CWC27: variants seen among roughly 807,000 people sequenced by gnomAD.
CWC27 encodes CWC27 spliceosome associated cyclophilin.
A neutral mutation model predicts 63.6 loss-of-function variants in CWC27; 47 were observed. That is an observed-to-expected ratio of 0.74 (90% CI 0.58 to 0.94). The LOEUF is 0.94. CWC27 is among the 40% of genes least tolerant of loss of function. The pLI, the probability that CWC27 is intolerant of heterozygous loss-of-function variation, is 0.00. For missense variants in CWC27, 495 were observed against 554.3 expected (o/e 0.89, Z 1.07); for synonymous variants, 175 against 179.8 (o/e 0.97, Z 0.22).
At chr5:64,961,506 T>C (rs1377814478) in intron 11 of CWC27, among the ~76,000 whole-genome samples, 1 of 152,206 alleles carries the variant, frequency 6.6e-6, no homozygotes, top group Non-Finnish European at 1.5e-5. Flanking sequence ...GTCCCCAAGA[T>C]GCTTGTATTA....
At chr5:64,842,977 T>C (rs1363384763) in intron 10 of CWC27, among the ~76,000 whole-genome samples, 1 of 152,240 alleles carries the variant, frequency 6.6e-6, no homozygotes, top group African/African-American at 2.4e-5. Context: ...TCCTTTGTAA[T>C]GTTTCACCTT....
chr5:64,778,287 CT>C (rs1743530913), intron 2 of CWC27, among the ~76,000 whole-genome samples: 1 of 152,058 alleles, frequency 6.6e-6, no homozygotes. Flanking sequence ...GTCGCATGCA[CT>C]TGCGCTGTCT....
At chr5:64,837,665 C>T (rs1240003870) in intron 10 of CWC27, among the ~76,000 whole-genome samples, 2 of 151,710 alleles carry the variant, frequency 1.3e-5, no homozygotes, top group Admixed American at 6.6e-5. Context: ...CATTTTACCA[C>T]TGTATTTTCC....
chr5:64,992,110 A>G (rs1309937932), intron 13 of CWC27, among the ~76,000 whole-genome samples: 1 of 152,214 alleles, frequency 6.6e-6, no homozygotes, highest in Non-Finnish European at 1.5e-5. Flanking sequence ...TGTATGTGCT[A>G]TATTTCAGAC....
intron 10 of CWC27, among the ~76,000 whole-genome samples, chr5:64,870,563 A>G (rs1318475590): frequency 1.3e-5 from 2 of 152,052 alleles, no homozygotes; most frequent in African/African-American, 2.4e-5. Context: ...TAACTTTACA[A>G]TGATGATTTC....
chr5:64,908,190 T>C (rs7715194), intron 11 of CWC27, among the ~76,000 whole-genome samples: 11,514 of 152,174 alleles, frequency 0.076, 1,313 homozygotes, highest in African/African-American at 0.25. Flanking sequence ...TGTAGTTGTG[T>C]GGTTTTGAGT....
At chr5:64,928,189 T>G (rs963228776) in intron 11 of CWC27, among the ~76,000 whole-genome samples, 2 of 152,022 alleles carry the variant, frequency 1.3e-5, no homozygotes, top group African/African-American at 4.8e-5. Flanking sequence ...TCACCCACAT[T>G]CACTGTGTTT....
At chr5:64,820,565 G>A (rs1047968778) in intron 10 of CWC27, among the ~76,000 whole-genome samples, 29 of 151,976 alleles carry the variant, frequency 1.9e-4, no homozygotes, top group African/African-American at 7.0e-4. Flanking sequence ...AAGAAAAGAT[G>A]GTTAAAAGAT....
chr5:64,962,774 A>G (rs1355078257), intron 11 of CWC27, among the ~76,000 whole-genome samples: 2 of 152,158 alleles, frequency 1.3e-5, no homozygotes, highest in African/African-American at 4.8e-5. Context: ...TACTTGAACA[A>G]TCTTGGTGCC....
At position 64,804,258 on chromosome 5, in the gene CWC27, T is replaced by C; in HGVS notation, c.810T>C (p.Asp270=). The change falls in exon 10 of 14, where the codon GAT becomes GAC. Residue 270 remains aspartate (D), a synonymous_variant. Coordinates refer to ENST00000381070, the MANE Select transcript of CWC27 (RefSeq NM_005869.4). ...GAGAAGATGAAAGTGCAGAGCATGATGAATATATTGATGGTGATGAAAAGA... is the reference window on the plus strand; with the variant it reads ...GAGAAGATGAAAGTGCAGAGCATGACGAATATATTGATGGTGATGAAAAGA... ...DDGEDESAEH[D]EYIDGDEKNL... 6.2e-7 allele frequency: 1 copy of C among 1,612,276 alleles called. No individual in the cohort carries two copies. Among genetic ancestry groups the C allele is most frequent in the African/African-American group, 1.3e-5 (1 of 74,868 alleles).
chr5:64,912,073 C>CAAAAAA (rs1253684440), intron 11 of CWC27, among the ~76,000 whole-genome samples: 1 of 83,510 alleles, frequency 1.2e-5, no homozygotes, highest in African/African-American at 3.5e-5. Flanking sequence ...GACTCTGTCT[C>CAAAAAA]AAAAAAAAAA....
Position 64,793,820 on chromosome 5 carries a change from G to C in CWC27, c.669+4800G>C, listed in dbSNP as rs111480016. Among the ~76,000 whole-genome samples, 254 of 152,100 alleles carry C rather than the reference G, an allele frequency of 1.7e-3. 1 individual carries two copies. The highest frequency in any genetic ancestry group is 4.9e-3 in the African/African-American group (205 of 41,482). On this transcript the variant is annotated intron_variant, in intron 7 of 13. Coordinates refer to ENST00000381070, the MANE Select transcript of CWC27 (RefSeq NM_005869.4). Reference sequence around the variant, plus strand: ...TCTTTATTCCAGAACCTTTCTGCCCGATCACAAGTTAATAATTGGTAAAGT... The same window carrying C: ...TCTTTATTCCAGAACCTTTCTGCCCCATCACAAGTTAATAATTGGTAAAGT...
At chr5:64,846,330 G>A (rs1745978627) in intron 10 of CWC27, among the ~76,000 whole-genome samples, 1 of 152,162 alleles carries the variant, frequency 6.6e-6, no homozygotes, top group African/African-American at 2.4e-5. Context: ...AGCAGCTATA[G>A]CTAAAATAAA....
intron 10 of CWC27, among the ~76,000 whole-genome samples, chr5:64,879,927 C>T (rs1197820856): frequency 4.3e-4 from 66 of 151,992 alleles, no homozygotes; most frequent in Non-Finnish European, 5.9e-5. Context: ...GTTACCTTGC[C>T]CCACTTTAAA....
chr5:65,014,557 C>A (rs563777078), intron 13 of CWC27, among the ~76,000 whole-genome samples: 1 of 151,894 alleles, frequency 6.6e-6, no homozygotes, highest in South Asian at 2.1e-4. Flanking sequence ...AAATTCACTA[C>A]TTTTTTTGGG....
In CWC27 at chr5:64,800,312, T is replaced by G; in HGVS notation, c.734T>G (p.Val245Gly). The change falls in exon 8 of 14, where the codon GTT becomes GGT. Residue 245 changes from valine to glycine, a missense_variant. Val to Gly is a moderately radical substitution (Grantham distance 109, BLOSUM62 -3). This residue lies in a region of CWC27 where 463 missense variants were observed against 498.1 expected (regional missense o/e 0.93). Coordinates refer to ENST00000381070, the MANE Select transcript of CWC27 (RefSeq NM_005869.4). ...AAGGATGATCCACATCTCAGTTCTG[T>G]TCCAGTTGTAGAAAGGTTAGTCCAT... ...LLKDDPHLSS[V>G]PVVESEKGDA... is the part of the protein sequence containing the mutation. The G allele has an allele frequency of 2.5e-6, 4 of 1,610,288 alleles. No individual in the cohort carries two copies. The highest frequency in any genetic ancestry group is 3.4e-6 in the Non-Finnish European group (4 of 1,177,772).
At chr5:64,983,560 C>A (rs1461841411) in intron 13 of CWC27, among the ~76,000 whole-genome samples, 2 of 152,154 alleles carry the variant, frequency 1.3e-5, no homozygotes, top group Non-Finnish European at 2.9e-5. Flanking sequence ...GATTATGACC[C>A]AATCTATAGG....
At chr5:64,869,123 A>G (rs1440182847) in intron 10 of CWC27, among the ~76,000 whole-genome samples, 9 of 152,016 alleles carry the variant, frequency 5.9e-5, no homozygotes, top group Admixed American at 5.9e-4. Context: ...CATAAAAGAA[A>G]ATTTTGGTTT....
chr5:64,967,564 G>A (rs1329246252), intron 11 of CWC27, among the ~76,000 whole-genome samples: 2 of 151,810 alleles, frequency 1.3e-5, no homozygotes. Flanking sequence ...TATACTACTG[G>A]CACAAGCAGA....
Sources: gnomAD v4.1 joint callset for allele counts (sites outside exome capture counted in the v4.1 genomes callset) on GRCh38, gnomAD v4.1.1 for gene constraint, gnomAD v4.1.1 regional missense constraint, MANE v1.5 for transcripts, NCBI Gene and HGNC (gene_info 2026-07-23, HGNC 2026-07-21) for gene names.